ETFBKMT: variants seen among roughly 807,000 people sequenced by gnomAD.
ETFBKMT encodes electron transfer flavoprotein subunit beta lysine methyltransferase.
ETFBKMT carries 13 observed loss-of-function variants against 18.3 expected under a neutral mutation model. The ratio of observed to expected loss-of-function variants is 0.71; its 90% confidence interval spans 0.46 to 1.13. ETFBKMT has a LOEUF of 1.13. Ranked by LOEUF, ETFBKMT falls within the 50% of genes most tolerant of loss-of-function variation. ETFBKMT has a pLI of 0.00. For synonymous variants in ETFBKMT, 84 were observed against 107.9 expected (o/e 0.78, Z 1.37); for missense variants, 293 against 306.2 (o/e 0.96, Z 0.32).
At chr12:31,654,444 G>C (rs558715431), upstream of ETFBKMT, among the ~76,000 whole-genome samples, 1 of 152,194 alleles carries the variant, frequency 6.6e-6, no homozygotes, top group Non-Finnish European at 1.5e-5. Context: ...AGGAAAGAAA[G>C]CCTAAGTCTG....
At chr12:31,660,635 A>G (rs1401826925) in intron 1 of ETFBKMT, among the ~76,000 whole-genome samples, 2 of 152,218 alleles carry the variant, frequency 1.3e-5, no homozygotes, top group Non-Finnish European at 2.9e-5. Flanking sequence ...ATACTTTTAC[A>G]GAAAGAGATT....
At chr12:31,657,791 CAAAAAAAA>C (rs777612236), upstream of ETFBKMT, among the ~76,000 whole-genome samples, 2 of 46,332 alleles carry the variant, frequency 4.3e-5, no homozygotes, top group African/African-American at 9.0e-5. Flanking sequence ...GACTTCATCT[CAAAAAAAA>C]AAAAAAAAAA....
rs1247893634 is a variant in ETFBKMT, at chr12:31,659,711, G to C, written c.-192G>C. ...TTAGTCTAGTGGGATACCAGGCCCT[G>C]AGAGACCCCTACGATCCCAGGACAC... On this transcript the variant is annotated 5_prime_UTR_variant, in exon 1 of 4. Transcript: ENST00000357721. The C allele has an allele frequency of 6.6e-6, 1 of 152,292 alleles. No homozygotes were observed. The highest frequency in any genetic ancestry group is 1.5e-5 in the Non-Finnish European group (1 of 68,114). The allele number at this position is 152,292 out of a possible 1,614,324, so 9.4% of individuals were successfully genotyped here. A position where few individuals can be genotyped will look rare whatever the true frequency, so the allele number is the denominator to read the frequency against.
Position 31,662,262 on chromosome 12 carries a change from G to A in ETFBKMT, c.309G>A (p.Leu103=). ...WAIYWPGGQA[L]SRYLLDNPDV... The stretch of plus-strand genomic sequence containing the variant: ...TCTACTGGCCAGGAGGCCAAGCCCT[G>A]TCTAGGTACTACCCTAATGAAACCT... The change falls in exon 2 of 4, where the codon CTG becomes CTA. Residue 103 remains leucine (L), a synonymous_variant. Coordinates refer to ENST00000357721, the MANE Select transcript of ETFBKMT (RefSeq NM_001135863.2). The A allele has an allele frequency of 1.2e-6, 2 of 1,613,936 alleles. No homozygotes were observed. Among genetic ancestry groups the A allele is most frequent in the Non-Finnish European group, 8.5e-7 (1 of 1,179,930 alleles).
At chr12:31,652,046 C>T (rs75657778) in intron 1 of ETFBKMT, among the ~76,000 whole-genome samples, 2,264 of 152,230 alleles carry the variant, frequency 0.015, 60 homozygotes, top group African/African-American at 0.051. Context: ...ACTAGAAAGT[C>T]TATTTCCATA....
rs1420084438 is a variant in ETFBKMT, at chr12:31,666,208, A to G, written c.436A>G (p.Ile146Val). 2.0e-5 allele frequency: 33 copies of G among 1,613,012 alleles called. No individual in the cohort carries two copies. The East Asian group carries it at 7.4e-4, about 36-fold the overall frequency. Residue 146 changes from isoleucine to valine, a missense_variant, in exon 3 of 4, where the codon ATA (isoleucine) becomes GTA (valine). Coordinates refer to ENST00000357721, the MANE Select transcript of ETFBKMT (RefSeq NM_001135863.2). The part of the protein sequence containing the change: ...SGASRILAND[I>V]DPIAGMAITL... ...GGCATCAAGGATCTTGGCCAATGAC[A>G]TAGACCCTAGTAAGGATTCATATTT...
At chr12:31,666,736 C>T (rs1449004654) in intron 3 of ETFBKMT, among the ~76,000 whole-genome samples, 8 of 151,872 alleles carry the variant, frequency 5.3e-5, no homozygotes, top group East Asian at 1.9e-4. Context: ...CTGCAAGCTC[C>T]GCCTCCCGGG....
chr12:31,662,251 G>A lies in ETFBKMT; in HGVS notation c.298G>A (p.Gly100Ser), dbSNP rs371728423. Reference protein sequence around the residue: ...DPYWAIYWPGGQALSRYLLDN... With the variant: ...DPYWAIYWPGSQALSRYLLDN... ...TTACTGGGCAATCTACTGGCCAGGA[G>A]GCCAAGCCCTGTCTAGGTACTACCC... Residue 100 changes from glycine (G) to serine (S), a missense_variant, in exon 2 of 4, where the codon GGC (glycine) becomes AGC (serine). Physicochemically the swap from Gly to Ser is moderately conservative, Grantham distance 56 (BLOSUM62 0). Coordinates refer to ENST00000357721, the MANE Select transcript of ETFBKMT (RefSeq NM_001135863.2). The A allele has an allele frequency of 3.8e-5, 61 of 1,614,114 alleles. No individual in the cohort carries two copies. The African/African-American group carries it at 6.9e-4, about 18-fold the overall frequency.
chr12:31,666,870 G>A (rs1951202467), intron 3 of ETFBKMT, among the ~76,000 whole-genome samples: 1 of 151,690 alleles, frequency 6.6e-6, no homozygotes, highest in Non-Finnish European at 1.5e-5. Flanking sequence ...TGTTATTCAG[G>A]ATGGTCTCAA....
Position 31,662,078 on chromosome 12 carries a change from T to G in ETFBKMT, c.125T>G (p.Phe42Cys), listed in dbSNP as rs1239768982. The G allele has an allele frequency of 6.2e-7, 1 of 1,614,176 alleles. No homozygotes were observed. Among genetic ancestry groups the G allele is most frequent in the South Asian group, 1.1e-5 (1 of 91,090 alleles). ...TGTCCCTGGAGAGGAGCTGGAAGCT[T>G]TTTGGACCCTGAGATAAAGGCTTTC... ...GQCPWRGAGS[F>C]LDPEIKAFLE... The change falls in exon 2 of 4, where the codon TTT (phenylalanine) becomes TGT (cysteine). Residue 42 changes from phenylalanine (F) to cysteine (C), a missense_variant. Phe to Cys is a radical substitution (Grantham distance 205, BLOSUM62 -2). Coordinates refer to ENST00000357721, the MANE Select transcript of ETFBKMT (RefSeq NM_001135863.2).
chr12:31,656,346 A>G (rs1166649492), upstream of ETFBKMT, among the ~76,000 whole-genome samples: 1 of 152,162 alleles, frequency 6.6e-6, no homozygotes. Context: ...CCTAGGGATG[A>G]GAGAACAAGG....
At chr12:31,654,825 G>C (rs1235490775), upstream of ETFBKMT, among the ~76,000 whole-genome samples, 1 of 152,160 alleles carries the variant, frequency 6.6e-6, no homozygotes, top group Non-Finnish European at 1.5e-5. Context: ...GGAGGCTGAG[G>C]TGGGCAGATC....
At chr12:31,657,063 G>T (rs1477357269), upstream of ETFBKMT, among the ~76,000 whole-genome samples, 3 of 152,188 alleles carry the variant, frequency 2.0e-5, no homozygotes, top group African/African-American at 7.2e-5. Context: ...TATTAAGAAG[G>T]TTTAGCAATG....
rs1222547272 is a variant in ETFBKMT, at chr12:31,661,941, G to T, written c.-13G>T. 6.2e-7 allele frequency: 1 copy of T among 1,609,736 alleles called. No homozygotes were observed. The highest frequency in any genetic ancestry group is 8.5e-7 in the Non-Finnish European group (1 of 1,177,400). On this transcript the variant is annotated 5_prime_UTR_variant, in exon 2 of 4. Transcript: ENST00000357721. Reference sequence around the variant, plus strand: ...CAGAACATTGACAGAACCTGTGTTTGGGGAAAGGACTGATGGCTTTGAGTC... The same window carrying T: ...CAGAACATTGACAGAACCTGTGTTTTGGGAAAGGACTGATGGCTTTGAGTC...
At chr12:31,648,360 G>GTTT (rs35137084) in intron 1 of ETFBKMT, among the ~76,000 whole-genome samples, 4 of 117,846 alleles carry the variant, frequency 3.4e-5, no homozygotes, top group South Asian at 5.5e-4. Flanking sequence ...GATGTAAATA[G>GTTT]TTTTTTTTTT....
intron 2 of ETFBKMT, among the ~76,000 whole-genome samples, chr12:31,662,798 T>C (rs1401163728): frequency 6.6e-6 from 1 of 152,194 alleles, no homozygotes; most frequent in Non-Finnish European, 1.5e-5. Context: ...AGGAGGTTCA[T>C]AGTTCATAGC....
upstream of ETFBKMT, among the ~76,000 whole-genome samples, chr12:31,658,276 A>T (rs1951079356): frequency 6.6e-6 from 1 of 152,264 alleles, no homozygotes; most frequent in South Asian, 2.1e-4. Context: ...AAGCGTTTAC[A>T]TCAGCAACTA....
At chr12:31,653,655 G>A (rs1051791099) in intron 1 of ETFBKMT, among the ~76,000 whole-genome samples, 13 of 152,194 alleles carry the variant, frequency 8.5e-5, no homozygotes, top group African/African-American at 3.1e-4. Flanking sequence ...TCCTTCAAAA[G>A]TCTAGGGAGA....
intron 1 of ETFBKMT, among the ~76,000 whole-genome samples, chr12:31,653,062 A>G (rs1951030946): frequency 6.6e-6 from 1 of 152,220 alleles, no homozygotes; most frequent in Admixed American, 6.5e-5. Flanking sequence ...ACAAAAAATC[A>G]GCCGGCCTTG....
Sources: gnomAD v4.1 joint callset for allele counts (sites outside exome capture counted in the v4.1 genomes callset) on GRCh38, gnomAD v4.1.1 for gene constraint, MANE v1.5 for transcripts, NCBI Gene and HGNC (gene_info 2026-07-23, HGNC 2026-07-21) for gene names.